NRXN1: variants seen among roughly 807,000 people sequenced by gnomAD.
NRXN1 encodes neurexin 1.
In NRXN1, 39 loss-of-function variants were observed where a neutral mutation model predicts 150.9. That is an observed-to-expected ratio of 0.26 (90% CI 0.20 to 0.34). NRXN1 has a LOEUF of 0.34. NRXN1 is among the 10% of genes least tolerant of loss of function. The probability of loss-of-function intolerance (pLI) is 1.00; values close to 1 mark genes in which losing one functional copy is unlikely to be tolerated. For synonymous variants in NRXN1, 924 were observed against 757.0 expected, an observed-to-expected ratio of 1.22 and a Z score of -3.62; for missense variants, 1,815 against 1,949.9, an observed-to-expected ratio of 0.93 and a Z score of 1.30.
At position 50,175,661 on chromosome 2, in the gene NRXN1, A is replaced by G. The variant is rs1437021380; in HGVS notation, c.3546+61128T>C. On this transcript the variant is annotated intron_variant, in intron 18 of 22. Coordinates refer to ENST00000401669, the MANE Select transcript of NRXN1 (RefSeq NM_001330078.2). Reference sequence around the variant, plus strand: ...TATGCACATGCATGTCTATCTATACATATACATTTACAACAAAGAAAAACT... The same window carrying G: ...TATGCACATGCATGTCTATCTATACGTATACATTTACAACAAAGAAAAACT... Among the ~76,000 whole-genome samples, 4 of 152,124 alleles carry G rather than the reference A, an allele frequency of 2.6e-5. No individual in the cohort carries two copies. In the East Asian group the frequency reaches 5.8e-4, roughly 22 times the overall value.
At chr2:50,061,027 G>T (rs1364142353) in intron 19 of NRXN1, among the ~76,000 whole-genome samples, 1 of 152,120 alleles carries the variant, frequency 6.6e-6, no homozygotes, top group African/African-American at 2.4e-5. Flanking sequence ...AGAATGTTTA[G>T]GTTCTCCAGC....
rs573471465 is a variant in NRXN1, at chr2:50,936,235, G to C, written c.773-10280C>G. ...ACCAACTGAGCTAACCGGCCGACTG[G>C]TCATCTGACATTTTAGCCCAACCCT... is the stretch of plus-strand genomic sequence containing the variant. On this transcript the variant is annotated intron_variant, in intron 2 of 22. Coordinates refer to ENST00000401669, the MANE Select transcript of NRXN1 (RefSeq NM_001330078.2). Among the ~76,000 whole-genome samples the C allele has an allele frequency of 9.9e-5, 15 of 152,230 alleles. 1 individual carries two copies. The South Asian group carries it at 3.1e-3, about 32-fold the overall frequency.
At chr2:50,236,320 TTAAAGTATA>T (rs2065413108) in intron 18 of NRXN1, among the ~76,000 whole-genome samples, 1 of 152,072 alleles carries the variant, frequency 6.6e-6, no homozygotes, top group Non-Finnish European at 1.5e-5. Context: ...CCAAGTATCC[TTAAAGTATA>T]CTTTCGTTCC....
Position 50,623,452 on chromosome 2 carries a change from A to G in NRXN1, c.996T>C (p.Asn332=). The G allele has an allele frequency of 1.2e-6, 2 of 1,613,504 alleles. No homozygotes were observed. Among genetic ancestry groups the G allele is most frequent in the Non-Finnish European group, 8.5e-7 (1 of 1,179,552 alleles). ...LHTGKSADYV[N]LALKNGAVSL... is the part of the protein sequence containing the mutation. ...AGACAGCTCCATTTTTCAGGGCAAG[A>G]TTGACATAATCAGCCGATTTCCCAG... Residue 332 remains asparagine (N), a synonymous_variant, in exon 6 of 23, where the codon AAT becomes AAC. Coordinates refer to ENST00000401669, the MANE Select transcript of NRXN1 (RefSeq NM_001330078.2).
At chr2:50,302,053 T>C (rs1395022497) in intron 17 of NRXN1, among the ~76,000 whole-genome samples, 2 of 152,158 alleles carry the variant, frequency 1.3e-5, no homozygotes, top group African/African-American at 4.8e-5. Context: ...AAATATTTTT[T>C]TAAAAAATTT....
chr2:50,081,318 C>A (rs1374286941), intron 19 of NRXN1, among the ~76,000 whole-genome samples: 2 of 152,192 alleles, frequency 1.3e-5, no homozygotes, highest in Admixed American at 6.5e-5. Flanking sequence ...GTGGCTCATG[C>A]CTGTAATCCC....
intron 5 of NRXN1, among the ~76,000 whole-genome samples, chr2:50,714,450 A>G (rs554802471): frequency 1.6e-4 from 25 of 152,282 alleles, no homozygotes; most frequent in South Asian, 1.2e-3. Context: ...TCAGGGTCAC[A>G]GCCATTTTTC....
intron 5 of NRXN1, among the ~76,000 whole-genome samples, chr2:50,762,350 A>G (rs1392358386): frequency 6.6e-6 from 1 of 151,514 alleles, no homozygotes. Flanking sequence ...TCAACTTTTA[A>G]TTTTTAATTC....
intron 2 of NRXN1, among the ~76,000 whole-genome samples, chr2:51,025,256 G>T (rs1292839395): frequency 6.6e-6 from 1 of 152,100 alleles, no homozygotes; most frequent in Non-Finnish European, 1.5e-5. Context: ...GCTATTCTGA[G>T]TTGAATTATC....
At chr2:50,561,270 T>G (rs1210824146) in intron 8 of NRXN1, among the ~76,000 whole-genome samples, 1 of 152,246 alleles carries the variant, frequency 6.6e-6, no homozygotes, top group African/African-American at 2.4e-5. Flanking sequence ...CATATGAGTA[T>G]GTAGCAGAAT....
intron 17 of NRXN1, among the ~76,000 whole-genome samples, chr2:50,449,702 T>C (rs1319060473): frequency 6.6e-6 from 1 of 152,144 alleles, no homozygotes; most frequent in African/African-American, 2.4e-5. Flanking sequence ...AAAAGCAAGG[T>C]ATTAAATTAC....
At chr2:50,661,854 C>T (rs1403547384) in intron 5 of NRXN1, among the ~76,000 whole-genome samples, 1 of 151,958 alleles carries the variant, frequency 6.6e-6, no homozygotes, top group East Asian at 1.9e-4. Context: ...GCCGTCTCTC[C>T]CCAGGCAGGC....
chr2:50,577,778 A>G (rs1023941618), intron 8 of NRXN1, among the ~76,000 whole-genome samples: 16 of 151,326 alleles, frequency 1.1e-4, no homozygotes, highest in Admixed American at 5.3e-4. Flanking sequence ...TAACTAAATT[A>G]AAGTCATAGC....
chr2:50,138,044 A>T (rs1706681390), intron 18 of NRXN1, among the ~76,000 whole-genome samples: 1 of 152,228 alleles, frequency 6.6e-6, no homozygotes, highest in Non-Finnish European at 1.5e-5. Flanking sequence ...TCATAAAAAA[A>T]TTTATGCAGC....
intron 18 of NRXN1, among the ~76,000 whole-genome samples, chr2:50,213,187 T>G (rs530885706): frequency 6.6e-6 from 1 of 152,010 alleles, no homozygotes; most frequent in Admixed American, 6.6e-5. Context: ...GATAATATCT[T>G]TATTCATTCA....
Position 50,844,261 on chromosome 2 carries a change from G to A in NRXN1, c.832+77608C>T, listed in dbSNP as rs894202727. ...CTATGGCGTTACAATCTTCCCGGAC[G>A]TCACCTAAGTTTCATTATCCCCCTT... On this transcript the variant is annotated intron_variant, in intron 5 of 22. Transcript: ENST00000401669. Among the ~76,000 whole-genome samples, 9 of 152,190 alleles carry A rather than the reference G, an allele frequency of 5.9e-5. 1 individual carries two copies. In the South Asian group the frequency reaches 1.5e-3, roughly 25 times the overall value.
chr2:51,025,933 C>T (rs372068773), intron 2 of NRXN1, among the ~76,000 whole-genome samples: 2 of 152,230 alleles, frequency 1.3e-5, no homozygotes, highest in East Asian at 3.9e-4. Flanking sequence ...GAAGACAGAG[C>T]GCAACAAAAT....
chr2:50,816,589 G>C (rs1668972532), intron 5 of NRXN1, among the ~76,000 whole-genome samples: 1 of 152,098 alleles, frequency 6.6e-6, no homozygotes, highest in Non-Finnish European at 1.5e-5. Context: ...ATTCTTCAAA[G>C]CTTACTGATT....
At chr2:50,999,786 C>T (rs1699804425) in intron 2 of NRXN1, among the ~76,000 whole-genome samples, 1 of 151,938 alleles carries the variant, frequency 6.6e-6, no homozygotes, top group Admixed American at 6.6e-5. Flanking sequence ...GCCAGCTTTG[C>T]ATTCAAAGTA....
Sources: allele counts gnomAD v4.1 joint callset (sites outside exome capture counted in the v4.1 genomes callset), GRCh38; gene constraint gnomAD v4.1.1; transcripts MANE v1.5; gene names NCBI Gene and HGNC (gene_info 2026-07-23, HGNC 2026-07-21).